The following TCF4 variants were observed in gnomAD, a reference collection of about 807,000 sequenced individuals.
TCF4 encodes SL3-3 enhancer factor 2.
In TCF4, 3 loss-of-function variants were observed where a neutral mutation model predicts 82.1. That is an observed-to-expected ratio of 0.04 (90% CI 0.02 to 0.09). The LOEUF (loss-of-function observed/expected upper bound fraction) is 0.09, where lower values mean the gene tolerates loss of function less well. Ranked by LOEUF, TCF4 falls within the 10% of genes least tolerant of loss-of-function variation. The probability of loss-of-function intolerance (pLI) is 1.00; values close to 1 mark genes in which losing one functional copy is unlikely to be tolerated. For synonymous variants in TCF4, 276 were observed against 309.6 expected, an observed-to-expected ratio of 0.89 and a Z score of 1.14; for missense variants, 518 against 852.7, an observed-to-expected ratio of 0.61 and a Z score of 4.89.
intron 15 of TCF4, 144 bp downstream of exon 15, chr18:55,254,353 T>C: frequency 1.3e-6 from 1 of 767,240 alleles, no homozygotes; most frequent in Middle Eastern, 3.7e-4. Flanking sequence ...ACACTTGAAT[T>C]GTACACCTGA....
intron 5 of TCF4, among the ~76,000 whole-genome samples, chr18:55,428,084 T>A (rs1387762294): frequency 2.0e-5 from 3 of 152,158 alleles, no homozygotes; most frequent in Non-Finnish European, 2.9e-5. Context: ...TCAGTTCCTA[T>A]TCCATGATTC....
Position 55,338,808 on chromosome 18 carries a change from T to C in TCF4, c.549+11551A>G, listed in dbSNP as rs140019951. Among the ~76,000 whole-genome samples, 957 of 152,312 alleles carry C rather than the reference T, an allele frequency of 6.3e-3. 10 individuals carry two copies. Among genetic ancestry groups the C allele is most frequent in the Non-Finnish European group, 0.01 (703 of 68,024 alleles). ...ATGTTCTAGTTCTCTCCAGCACTAA[T>C]AGATCATGCTTTTTATAATTCCAAC... On this transcript the variant is annotated intron_variant, in intron 8 of 19. Transcript: ENST00000354452.
At chr18:55,370,573 T>C (rs2145561245) in intron 6 of TCF4, among the ~76,000 whole-genome samples, 1 of 152,206 alleles carries the variant, frequency 6.6e-6, no homozygotes, top group East Asian at 1.9e-4. Flanking sequence ...GTCCTCCTAA[T>C]TCAAAATGGG....
At chr18:55,540,114 C>A (rs890383102) in intron 3 of TCF4, among the ~76,000 whole-genome samples, 1 of 150,530 alleles carries the variant, frequency 6.6e-6, no homozygotes, top group Non-Finnish European at 1.5e-5. Flanking sequence ...TTGTCCAAAA[C>A]CTTCTTAGAG....
intron 2 of TCF4, among the ~76,000 whole-genome samples, chr18:55,586,684 G>A (rs1382108001): frequency 6.6e-6 from 1 of 152,156 alleles, no homozygotes; most frequent in African/African-American, 2.4e-5. Context: ...AAAACGAAGA[G>A]TAGTGTGCAA....
intron 3 of TCF4, among the ~76,000 whole-genome samples, chr18:55,501,065 T>A (rs939986600): frequency 2.5e-4 from 38 of 152,216 alleles, no homozygotes; most frequent in African/African-American, 9.2e-4. Flanking sequence ...TAATGTTTAA[T>A]GAGTGATTAA....
At chr18:55,472,343 A>G (rs997038824) in intron 3 of TCF4, among the ~76,000 whole-genome samples, 1 of 152,240 alleles carries the variant, frequency 6.6e-6, no homozygotes, top group African/African-American at 2.4e-5. Flanking sequence ...CCAAACGTAC[A>G]TTGAAGCCTT....
At chr18:55,344,601 T>C (rs1428308195) in intron 8 of TCF4, among the ~76,000 whole-genome samples, 1 of 152,208 alleles carries the variant, frequency 6.6e-6, no homozygotes, top group Non-Finnish European at 1.5e-5. Flanking sequence ...AATGCTATTA[T>C]TGTTTATGTT....
chr18:55,260,129 A>AT, intron 12 of TCF4, 102 bp from the exon 13 acceptor site: 1 of 845,658 alleles, frequency 1.2e-6, no homozygotes, highest in Non-Finnish European at 2.0e-6. Context: ...AGAACTTACA[A>AT]GTTACAGCAT....
chr18:55,413,868 A>C (rs1405246480), intron 5 of TCF4, among the ~76,000 whole-genome samples: 1 of 152,232 alleles, frequency 6.6e-6, no homozygotes, highest in Non-Finnish European at 1.5e-5. Context: ...TCATCTGAAT[A>C]GTGGTGAATG....
At chr18:55,297,608 C>T (rs1327468124) in intron 8 of TCF4, among the ~76,000 whole-genome samples, 1 of 152,102 alleles carries the variant, frequency 6.6e-6, no homozygotes, top group Non-Finnish European at 1.5e-5. Context: ...TTTTTCACTC[C>T]ATTAGGCATT....
At chr18:55,488,785 CTG>C (rs1316629925) in intron 3 of TCF4, among the ~76,000 whole-genome samples, 1 of 152,142 alleles carries the variant, frequency 6.6e-6, no homozygotes, top group Non-Finnish European at 1.5e-5. Flanking sequence ...TCTTTTTTCT[CTG>C]TCTCTTTGTA....
chr18:55,530,473 T>C (rs1279747609), intron 3 of TCF4, among the ~76,000 whole-genome samples: 1 of 132,816 alleles, frequency 7.5e-6, no homozygotes, highest in Non-Finnish European at 1.5e-5. Flanking sequence ...ACAGAGAGAG[T>C]GAAGAAGAGG....
chr18:55,336,751 C>T (rs1003013855), intron 8 of TCF4, among the ~76,000 whole-genome samples: 3 of 152,070 alleles, frequency 2.0e-5, no homozygotes, highest in Non-Finnish European at 4.4e-5. Flanking sequence ...CTGTATATAA[C>T]TAGAAAATTC....
At chr18:55,445,344 T>C (rs1330261291) in intron 5 of TCF4, among the ~76,000 whole-genome samples, 1 of 151,856 alleles carries the variant, frequency 6.6e-6, no homozygotes, top group Admixed American at 6.6e-5. Flanking sequence ...TTATAATTTA[T>C]AAATAATTAT....
At chr18:55,467,243 G>A (rs536049127) in intron 3 of TCF4, among the ~76,000 whole-genome samples, 2 of 152,186 alleles carry the variant, frequency 1.3e-5, no homozygotes, top group Non-Finnish European at 2.9e-5. Flanking sequence ...ATGTAAACAT[G>A]TTACTTTGAA....
chr18:55,270,571 G>A (rs942165125), intron 10 of TCF4, among the ~76,000 whole-genome samples: 31 of 152,190 alleles, frequency 2.0e-4, no homozygotes, highest in Admixed American at 1.8e-3. Flanking sequence ...AATTAAATTA[G>A]GACCACATGA....
chr18:55,550,886 C>G (rs1208029607), intron 3 of TCF4: 1 of 152,118 alleles, frequency 6.6e-6, no homozygotes, highest in Non-Finnish European at 1.5e-5. Flanking sequence ...AAGAAATGTC[C>G]ATTCCCTCCC....
chr18:55,587,867 C>A (rs1440481093), intron 1 of TCF4, among the ~76,000 whole-genome samples, 171 bp downstream of exon 1: 1 of 46,520 alleles, frequency 2.1e-5, no homozygotes, highest in Non-Finnish European at 4.4e-5. Flanking sequence ...GGGGGGCTGG[C>A]GGCGAGGGGG....
Sources: gnomAD v4.1 joint callset for allele counts (sites outside exome capture counted in the v4.1 genomes callset) on GRCh38, gnomAD v4.1.1 for gene constraint, MANE v1.5 for transcripts, NCBI Gene and HGNC (gene_info 2026-07-23, HGNC 2026-07-21) for gene names.